Variants in LUZP2 observed in about 807,000 individuals in gnomAD.
The protein encoded by LUZP2 is leucine zipper protein 2.
A neutral mutation model predicts 51.6 loss-of-function variants in LUZP2; 52 were observed. The observed-to-expected ratio is 1.01, with a 90% CI of 0.81 to 1.27. The LOEUF is 1.27. Among genes scored for constraint, LUZP2 ranks in the 50% most tolerant of loss-of-function variants. The pLI, the probability that LUZP2 is intolerant of heterozygous loss-of-function variation, is 0.00. For missense variants in LUZP2, 436 were observed against 395.4 expected, an observed-to-expected ratio of 1.10 and a Z score of -0.87; for synonymous variants, 154 against 137.3, an observed-to-expected ratio of 1.12 and a Z score of -0.85.
intron 7 of LUZP2, among the ~76,000 whole-genome samples, chr11:24,926,204 TGTGTATATATATATATAC>T (rs1361863244): frequency 2.7e-5 from 4 of 148,926 alleles, no homozygotes; most frequent in African/African-American, 7.4e-5. Flanking sequence ...TATATATATG[TGTGTATATATATATATAC>T]GTGTATATAT....
intron 1 of LUZP2, among the ~76,000 whole-genome samples, chr11:24,718,594 C>T (rs867785670): frequency 6.6e-6 from 1 of 152,088 alleles, no homozygotes; most frequent in African/African-American, 2.4e-5. Flanking sequence ...TCTGGAAGCA[C>T]AGGGCTCAGA....
At chr11:24,512,494 A>T (rs766494228) in intron 1 of LUZP2, among the ~76,000 whole-genome samples, 2 of 152,190 alleles carry the variant, frequency 1.3e-5, no homozygotes, top group Admixed American at 6.5e-5. Context: ...AAATTGAGAG[A>T]ACTTCATCAT....
At chr11:24,510,545 G>C (rs1211686602) in intron 1 of LUZP2, among the ~76,000 whole-genome samples, 1 of 152,142 alleles carries the variant, frequency 6.6e-6, no homozygotes, top group Non-Finnish European at 1.5e-5. Context: ...TAACAGGTAG[G>C]AAATCCAGGG....
intron 9 of LUZP2, among the ~76,000 whole-genome samples, chr11:25,024,507 A>C (rs1275975702): frequency 6.6e-6 from 1 of 152,130 alleles, no homozygotes; most frequent in Non-Finnish European, 1.5e-5. Context: ...CCAATAACAG[A>C]CAAACAGAGA....
At chr11:24,910,904 G>A (rs1186829205) in intron 6 of LUZP2, among the ~76,000 whole-genome samples, 1 of 152,136 alleles carries the variant, frequency 6.6e-6, no homozygotes, top group Non-Finnish European at 1.5e-5. Flanking sequence ...CTCAATGCTA[G>A]CCCATGAAAG....
At chr11:25,027,610 G>A (rs546520891) in intron 9 of LUZP2, among the ~76,000 whole-genome samples, 1 of 152,178 alleles carries the variant, frequency 6.6e-6, no homozygotes, top group South Asian at 2.1e-4. Flanking sequence ...AGTGGCTCAT[G>A]CCTGTAATCC....
At position 24,786,143 on chromosome 11, in the gene LUZP2, C is replaced by T. The variant is rs960159296; in HGVS notation, c.396+22835C>T. 5.1e-6 allele frequency: 5 copies of T among 984,856 alleles called. No individual in the cohort carries two copies. In the South Asian group the frequency reaches 1.4e-4, roughly 28 times the overall value. The allele number at this position is 984,856 out of a possible 1,614,324, so 61.0% of individuals were successfully genotyped here. On this transcript the variant is annotated intron_variant, in intron 5 of 11. Coordinates refer to ENST00000336930, the MANE Select transcript of LUZP2 (RefSeq NM_001009909.4). ...CACAAATCCCTCAAAGTTATGAAGGCGTTGTAAAATATATGTCTCAGGGAA... is the reference window on the plus strand; with the variant it reads ...CACAAATCCCTCAAAGTTATGAAGGTGTTGTAAAATATATGTCTCAGGGAA...
At chr11:24,522,768 G>A (rs772900437) in intron 1 of LUZP2, among the ~76,000 whole-genome samples, 2 of 151,758 alleles carry the variant, frequency 1.3e-5, no homozygotes, top group Non-Finnish European at 2.9e-5. Flanking sequence ...ATCCGATTTG[G>A]GGTATCGATG....
intron 1 of LUZP2, among the ~76,000 whole-genome samples, chr11:24,518,052 G>A (rs973460339): frequency 2.6e-5 from 4 of 152,202 alleles, no homozygotes; most frequent in African/African-American, 9.6e-5. Context: ...AAATGTAGGA[G>A]AAATTATTTT....
At chr11:24,999,672 T>C (rs182619634) in intron 9 of LUZP2, among the ~76,000 whole-genome samples, 5 of 152,176 alleles carry the variant, frequency 3.3e-5, no homozygotes, top group African/African-American at 1.2e-4. Flanking sequence ...AAATAGTGGC[T>C]ACATTTTAAG....
chr11:24,810,467 A>G (rs1188377503), intron 5 of LUZP2, among the ~76,000 whole-genome samples: 1 of 152,162 alleles, frequency 6.6e-6, no homozygotes, highest in Non-Finnish European at 1.5e-5. Context: ...AACCTGGTTA[A>G]CAAAATTTAA....
intron 1 of LUZP2, among the ~76,000 whole-genome samples, chr11:24,509,825 A>C (rs1002374179): frequency 6.6e-6 from 1 of 152,002 alleles, no homozygotes; most frequent in African/African-American, 2.4e-5. Flanking sequence ...CTCTATGTCT[A>C]CCTTTCTCTC....
intron 9 of LUZP2, among the ~76,000 whole-genome samples, chr11:25,019,842 G>A (rs1214010168): frequency 1.3e-5 from 2 of 152,044 alleles, no homozygotes; most frequent in African/African-American, 2.4e-5. Context: ...CATATTGTTT[G>A]GATCTAGTGT....
At chr11:24,640,510 AGGATT>A (rs1199878838) in intron 1 of LUZP2, among the ~76,000 whole-genome samples, 13 of 151,982 alleles carry the variant, frequency 8.6e-5, no homozygotes, top group Admixed American at 4.6e-4. Flanking sequence ...TGGTTAAAAC[AGGATT>A]TACATGACTT....
intron 1 of LUZP2, among the ~76,000 whole-genome samples, chr11:24,635,629 T>C (rs142709767): frequency 0.013 from 1,940 of 152,276 alleles, 37 homozygotes; most frequent in African/African-American, 0.044. Context: ...ATACAGGCAT[T>C]TCTATCTCAC....
In LUZP2 at chr11:24,562,863, C is replaced by CA. The variant is rs35383666; in HGVS notation, c.62+65574dup. Among the ~76,000 whole-genome samples, 143 of 115,542 alleles carry CA rather than the reference C, an allele frequency of 1.2e-3. 1 individual carries two copies. The highest frequency in any genetic ancestry group is 2.0e-3 in the African/African-American group (61 of 30,510). The allele number at this position is 115,542 out of a possible 152,430, so 75.8% of individuals were successfully genotyped here. ...GGTGACAGAGTGAGACTCCATCTCT[C>CA]AAAAAAAAAAAAAAAAGAAAGGTTA... On this transcript the variant is annotated intron_variant, in intron 1 of 11. Coordinates refer to ENST00000336930, the MANE Select transcript of LUZP2 (RefSeq NM_001009909.4).
At chr11:24,874,740 C>T (rs185371006) in intron 5 of LUZP2, among the ~76,000 whole-genome samples, 6 of 152,228 alleles carry the variant, frequency 3.9e-5, no homozygotes, top group African/African-American at 1.2e-4. Flanking sequence ...ATGTTAGCTG[C>T]TGAAAAAGAT....
intron 1 of LUZP2, among the ~76,000 whole-genome samples, chr11:24,707,724 T>G (rs1466217503): frequency 2.6e-5 from 4 of 152,292 alleles, no homozygotes; most frequent in Admixed American, 2.6e-4. Flanking sequence ...CCTCTGAATT[T>G]GATGATACTC....
At chr11:24,947,183 G>C (rs1023080372) in intron 7 of LUZP2, among the ~76,000 whole-genome samples, 6 of 151,872 alleles carry the variant, frequency 4.0e-5, no homozygotes, top group Admixed American at 3.9e-4. Context: ...TTCTAATAAA[G>C]TAATTTTGAA....
Sources: gnomAD v4.1 joint callset for allele counts (sites outside exome capture counted in the v4.1 genomes callset) on GRCh38, gnomAD v4.1.1 for gene constraint, MANE v1.5 for transcripts, NCBI Gene and HGNC (gene_info 2026-07-23, HGNC 2026-07-21) for gene names.